Variants in TRPC5 observed in about 807,000 individuals in gnomAD.
The protein encoded by TRPC5 is short transient receptor potential channel 5.
In TRPC5, 9 loss-of-function variants were observed where a neutral mutation model predicts 56.5. That is an observed-to-expected ratio of 0.16 (90% CI 0.10 to 0.28). The LOEUF (loss-of-function observed/expected upper bound fraction) is 0.28. Among genes scored for constraint, TRPC5 ranks in the 10% least tolerant of loss-of-function variants. TRPC5 has a pLI of 1.00. For synonymous variants in TRPC5, 282 were observed against 278.5 expected, an observed-to-expected ratio of 1.01 and a Z score of -0.13; for missense variants, 469 against 748.9, an observed-to-expected ratio of 0.63 and a Z score of 4.36.
chrX:112,016,041 G>T (rs1569529600), intron 1 of TRPC5, among the ~76,000 whole-genome samples: 1 of 110,461 alleles, frequency 9.1e-6, no homozygotes, highest in Non-Finnish European at 1.9e-5. Flanking sequence ...ATCCAGGGCA[G>T]CAGACCAGGA....
At chrX:111,839,625 G>T (rs1324241372) in intron 6 of TRPC5, among the ~76,000 whole-genome samples, 1 of 112,110 alleles carries the variant, frequency 8.9e-6, no homozygotes, top group African/African-American at 3.2e-5. Context: ...ATCCATGGGT[G>T]CTCAAGTTCC....
chrX:111,840,663 G>T (rs1434957831), intron 6 of TRPC5, among the ~76,000 whole-genome samples: 2 of 111,649 alleles, frequency 1.8e-5, no homozygotes, highest in African/African-American at 6.5e-5. Context: ...GGTCACACAG[G>T]CAGGCAGTAT....
intron 3 of TRPC5, among the ~76,000 whole-genome samples, chrX:111,896,788 G>A (rs972250871): frequency 4.5e-5 from 5 of 111,827 alleles, no homozygotes; most frequent in South Asian, 3.7e-4. Flanking sequence ...TTAGAAGTCC[G>A]ACCTGGGCTG....
intron 1 of TRPC5, among the ~76,000 whole-genome samples, chrX:111,972,651 T>C (rs190925540): frequency 1.2e-3 from 138 of 112,414 alleles, no homozygotes; most frequent in African/African-American, 4.0e-3. Flanking sequence ...GTCTGGCTTG[T>C]GGCACCCTCC....
At chrX:111,779,757 A>G (rs1945905560) in intron 9 of TRPC5, among the ~76,000 whole-genome samples, 1 of 112,177 alleles carries the variant, frequency 8.9e-6, no homozygotes, top group Non-Finnish European at 1.9e-5. Context: ...TCAAGGCTCA[A>G]TGAGGCTGAC....
At chrX:111,938,932 C>T (rs1926687823) in intron 2 of TRPC5, among the ~76,000 whole-genome samples, 2 of 111,960 alleles carry the variant, frequency 1.8e-5, no homozygotes, top group Non-Finnish European at 3.8e-5. Flanking sequence ...CTAGCTAGAA[C>T]TTCTAGTACT....
At chrX:111,809,832 C>T (rs1173059123) in intron 7 of TRPC5, among the ~76,000 whole-genome samples, 1 of 109,854 alleles carries the variant, frequency 9.1e-6, no homozygotes, top group Non-Finnish European at 1.9e-5. Flanking sequence ...TTCAAGTATA[C>T]AATACATTAT....
intron 7 of TRPC5, among the ~76,000 whole-genome samples, chrX:111,785,741 C>T (rs1297157811): frequency 1.8e-5 from 2 of 111,715 alleles, no homozygotes; most frequent in Non-Finnish European, 3.8e-5. Context: ...GAGCTGAAAA[C>T]CATGACACAA....
At chrX:111,785,561 A>G (rs994199700) in intron 7 of TRPC5, among the ~76,000 whole-genome samples, 19 of 112,097 alleles carry the variant, frequency 1.7e-4, no homozygotes, top group African/African-American at 5.8e-4. Flanking sequence ...ACGGAGAATC[A>G]CTTTCACGAG....
At chrX:111,839,900 G>A (rs1218288755) in intron 6 of TRPC5, among the ~76,000 whole-genome samples, 1 of 111,144 alleles carries the variant, frequency 9.0e-6, no homozygotes, top group Non-Finnish European at 1.9e-5. Context: ...TCAAAATGCG[G>A]TGGCTCACAC....
At chrX:111,894,195 T>C (rs1924951208) in intron 3 of TRPC5, among the ~76,000 whole-genome samples, 1 of 111,599 alleles carries the variant, frequency 9.0e-6, no homozygotes, top group South Asian at 3.8e-4. Context: ...CTAATTTACC[T>C]TACCTAATAC....
At chrX:112,060,381 CT>C (rs1403003738) in intron 1 of TRPC5, among the ~76,000 whole-genome samples, 1 of 112,211 alleles carries the variant, frequency 8.9e-6, no homozygotes, top group Non-Finnish European at 1.9e-5. Context: ...AGATATTTCC[CT>C]CACAAAATAA....
chrX:112,022,479 T>C (rs907586333), intron 1 of TRPC5, among the ~76,000 whole-genome samples: 3 of 112,024 alleles, frequency 2.7e-5, no homozygotes, highest in African/African-American at 6.5e-5. Context: ...CTCCAGAGCA[T>C]AGAACAATGC....
At chrX:111,955,825 C>T (rs1313226187) in intron 1 of TRPC5, among the ~76,000 whole-genome samples, 1 of 112,258 alleles carries the variant, frequency 8.9e-6, no homozygotes, top group African/African-American at 3.2e-5. Context: ...TGACCCTTTA[C>T]CTTTATACTT....
chrX:111,874,734 G>A (rs769855045), intron 3 of TRPC5, among the ~76,000 whole-genome samples: 34 of 112,511 alleles, frequency 3.0e-4, no homozygotes, highest in African/African-American at 1.0e-3. Context: ...TCTAACTTGA[G>A]GTGATCAAAC....
At chrX:111,822,376 C>G (rs1175211659) in intron 7 of TRPC5, among the ~76,000 whole-genome samples, 59 of 112,029 alleles carry the variant, frequency 5.3e-4, no homozygotes, top group Non-Finnish European at 1.3e-4. Context: ...TAAGGAATTT[C>G]TGGATGATAA....
At chrX:112,078,056 T>C (rs1930876055) in intron 1 of TRPC5, among the ~76,000 whole-genome samples, 1 of 111,736 alleles carries the variant, frequency 8.9e-6, no homozygotes, top group African/African-American at 3.3e-5. Flanking sequence ...CAGAACAGAC[T>C]GGGATTTCTA....
intron 6 of TRPC5, among the ~76,000 whole-genome samples, chrX:111,840,290 G>C (rs767587202): frequency 8.9e-6 from 1 of 112,474 alleles, no homozygotes; most frequent in East Asian, 2.8e-4. Flanking sequence ...GCCTCCCAAA[G>C]TGTTGGAATT....
At chrX:111,981,986 T>A (rs1288901180) in intron 1 of TRPC5, among the ~76,000 whole-genome samples, 1 of 111,300 alleles carries the variant, frequency 9.0e-6, no homozygotes, top group Non-Finnish European at 1.9e-5. Flanking sequence ...TGATAGTAAG[T>A]GAGTTATCAC....
Sources: gnomAD v4.1 joint callset for allele counts (sites outside exome capture counted in the v4.1 genomes callset) on GRCh38, gnomAD v4.1.1 for gene constraint, MANE v1.5 for transcripts, NCBI Gene and HGNC (gene_info 2026-07-23, HGNC 2026-07-21) for gene names.